The following STARD7 variants were observed in gnomAD, a reference collection of about 807,000 sequenced individuals.
STARD7 encodes the protein StAR related lipid transfer domain containing 7.
STARD7 carries 30 observed loss-of-function variants against 45.3 expected under a neutral mutation model. The ratio of observed to expected loss-of-function variants is 0.66; its 90% CI spans 0.50 to 0.90. The LOEUF (loss-of-function observed/expected upper bound fraction) is 0.90, where lower values mean the gene tolerates loss of function less well. Ranked by LOEUF, STARD7 falls within the 40% of genes least tolerant of loss-of-function variation. The pLI is 0.00. For synonymous variants in STARD7, 199 were observed against 183.0 expected (o/e 1.09, Z -0.70); for missense variants, 495 against 491.3 (o/e 1.01, Z -0.07).
chr2:96,208,580 C>G lies in STARD7; in HGVS notation c.-146G>C. On this transcript the variant is annotated 5_prime_UTR_variant, in exon 1 of 8. Coordinates refer to ENST00000337288, the MANE Select transcript of STARD7 (RefSeq NM_020151.4). The stretch of plus-strand genomic sequence containing the variant: ...CGGCCAGGAGCCGCCGCTCATCTGT[C>G]TCTGCAGCCACCGCTGAGGAAGAGT... 1.6e-6 allele frequency: 1 copy of G among 633,878 alleles called. No homozygotes were observed. The highest frequency in any genetic ancestry group is 2.4e-6 in the Non-Finnish European group (1 of 409,954). The allele number at this position is 633,878 out of a possible 1,614,324, so 39.3% of individuals were successfully genotyped here.
chr2:96,198,379 G>A (rs1683256810), intron 1 of STARD7, among the ~76,000 whole-genome samples: 2 of 152,050 alleles, frequency 1.3e-5, no homozygotes, highest in East Asian at 3.9e-4. Flanking sequence ...ATATAGACAT[G>A]TTTTCAATTC....
At chr2:96,192,979 G>A (rs1461355783) in intron 5 of STARD7, 99 bp downstream of exon 5, 1 of 831,840 alleles carries the variant, frequency 1.2e-6, no homozygotes, top group Non-Finnish European at 2.0e-6. Flanking sequence ...GAAGCCTGTG[G>A]GAGACTCATA....
rs539630505 is a variant in STARD7 at position 96,186,679 on chromosome 2, C to T, written c.*51G>A. 3.8e-5 allele frequency: 55 copies of T among 1,436,356 alleles called. 1 individual carries two copies. The South Asian group carries it at 6.0e-4, about 16-fold the overall frequency. The allele number at this position is 1,436,356 out of a possible 1,614,324, so 89.0% of individuals were successfully genotyped here. Reference sequence around the variant, plus strand: ...TCCCCCTTCTACAGCAGAGTGATAACGGACTGAGACAGGGCTAGAAGCACC... The same window carrying T: ...TCCCCCTTCTACAGCAGAGTGATAATGGACTGAGACAGGGCTAGAAGCACC... On this transcript the variant is annotated 3_prime_UTR_variant, in exon 8 of 8. Coordinates refer to ENST00000337288, the MANE Select transcript of STARD7 (RefSeq NM_020151.4).
chr2:96,206,153 TACTG>T (rs753874702), intron 1 of STARD7, among the ~76,000 whole-genome samples: 7 of 152,192 alleles, frequency 4.6e-5, no homozygotes, highest in Non-Finnish European at 8.8e-5. Context: ...CCATGATAAA[TACTG>T]ACTAACTCAA....
At chr2:96,197,116 T>TAAAATAAAATAAAATAAAATA (rs1683232869) in intron 1 of STARD7, among the ~76,000 whole-genome samples, 1 of 136,174 alleles carries the variant, frequency 7.3e-6, no homozygotes, top group African/African-American at 2.7e-5. Context: ...TAAAATAAAA[T>TAAAATAAAATAAAATAAAATA]AAAATAAAGC....
Position 96,195,526 on chromosome 2 carries a change from A to G in STARD7, c.314T>C (p.Leu105Ser). ...CTGAAACATATTTGACATTTCTTCC[A>G]ACCGCTTCATCTCATTAATAGATCT... ...LQRSINEMKR[L>S]EEMSNMFQSS... Residue 105 changes from leucine to serine, a missense_variant, in exon 2 of 8, where the codon TTG becomes TCG. Physicochemically the swap from Leu to Ser is moderately radical, Grantham distance 145. Coordinates refer to ENST00000337288, the MANE Select transcript of STARD7 (RefSeq NM_020151.4). The G allele has an allele frequency of 6.2e-7, 1 of 1,613,548 alleles. No individual in the cohort carries two copies. The highest frequency in any genetic ancestry group is 8.5e-7 in the Non-Finnish European group (1 of 1,179,694).
Position 96,208,227 on chromosome 2 carries a change from C to G in STARD7, c.208G>C (p.Gly70Arg). The change falls in exon 1 of 8, where the codon GGC becomes CGC. Residue 70 changes from glycine to arginine, a missense_variant. Gly to Arg is a moderately radical substitution (Grantham distance 125). This residue lies in a region of STARD7 where 282 missense variants were observed against 220.1 expected (regional missense o/e 1.28). Coordinates refer to ENST00000337288, the MANE Select transcript of STARD7 (RefSeq NM_020151.4). ...GCCGCCATCAAGGCAGAGGCATGGC[C>G]AGGACGGCCGTGCAGCCGGCGCCAG... Reference protein sequence around the residue: ...RLWRRLHGRPGHASALMAALA... With the variant: ...RLWRRLHGRPRHASALMAALA... The G allele has an allele frequency of 1.9e-6, 3 of 1,612,576 alleles. No homozygotes were observed. Among genetic ancestry groups the G allele is most frequent in the Non-Finnish European group, 2.5e-6 (3 of 1,179,630 alleles).
At chr2:96,188,401 C>A (rs1456097108) in intron 6 of STARD7, among the ~76,000 whole-genome samples, 1 of 150,524 alleles carries the variant, frequency 6.6e-6, no homozygotes, top group African/African-American at 2.4e-5. Flanking sequence ...TCAGCCTCCC[C>A]AGTAGCTGAG....
intron 1 of STARD7, among the ~76,000 whole-genome samples, chr2:96,197,065 T>TTAA (rs1558735733): frequency 2.3e-5 from 1 of 44,378 alleles, no homozygotes; most frequent in Non-Finnish European, 5.0e-5. Flanking sequence ...AAACTCCGTC[T>TTAA]CAAAATAAAA....
At chr2:96,202,894 C>T (rs1407693053) in intron 1 of STARD7, among the ~76,000 whole-genome samples, 1 of 152,102 alleles carries the variant, frequency 6.6e-6, no homozygotes, top group Non-Finnish European at 1.5e-5. Context: ...TTTTTCATGA[C>T]CTTCTAAGAA....
chr2:96,196,320 C>G (rs1277583007), intron 1 of STARD7, among the ~76,000 whole-genome samples: 1 of 151,962 alleles, frequency 6.6e-6, no homozygotes, highest in Non-Finnish European at 1.5e-5. Flanking sequence ...AAAAAATTAG[C>G]CAGGCATAGT....
At position 96,196,129 on chromosome 2, in the gene STARD7, A is replaced by C. The variant is rs911998725; in HGVS notation, c.291-580T>G. Among the ~76,000 whole-genome samples, 16 of 147,600 alleles carry C rather than the reference A, an allele frequency of 1.1e-4. No individual in the cohort carries two copies. The Admixed American group carries it at 1.1e-3, about 10-fold the overall frequency. Reference sequence around the variant, plus strand: ...CTCTTGTCTCAAAAAAAAAAAAAAAACAAAAAACAAAAAACAACGAAAAAA... The same window carrying C: ...CTCTTGTCTCAAAAAAAAAAAAAAACCAAAAAACAAAAAACAACGAAAAAA... On this transcript the variant is annotated intron_variant, in intron 1 of 7. Transcript: ENST00000337288.
intron 1 of STARD7, among the ~76,000 whole-genome samples, chr2:96,204,236 G>A (rs1225445977): frequency 6.6e-6 from 1 of 152,034 alleles, no homozygotes; most frequent in African/African-American, 2.4e-5. Context: ...CTCCAGCCTG[G>A]GCGACAGAGT....
At chr2:96,201,094 C>T (rs1231473243) in intron 1 of STARD7, among the ~76,000 whole-genome samples, 1 of 152,128 alleles carries the variant, frequency 6.6e-6, no homozygotes, top group African/African-American at 2.4e-5. Context: ...ATCTGCTTTC[C>T]TTACTAAACT....
chr2:96,205,582 C>G (rs1683375916), intron 1 of STARD7, among the ~76,000 whole-genome samples: 1 of 152,146 alleles, frequency 6.6e-6, no homozygotes, highest in African/African-American at 2.4e-5. Context: ...ATTATGGAAG[C>G]TACCCAAAAA....
Position 96,208,510 on chromosome 2 carries a change from A to T in STARD7, c.-76T>A. 2.4e-6 allele frequency: 3 copies of T among 1,274,050 alleles called. No individual in the cohort carries two copies. The highest frequency in any genetic ancestry group is 2.0e-6 in the Non-Finnish European group (2 of 993,934). 78.9% of individuals were successfully genotyped at this position (1,274,050 alleles called of 1,614,324 possible). On this transcript the variant is annotated 5_prime_UTR_variant, in exon 1 of 8. Transcript: ENST00000337288. Reference sequence around the variant, plus strand: ...CCGGAGGGGCGCAGGCGGTGGTCGCAGCGTCCCCCTAAATGGCCGGCCACG... The same window carrying T: ...CCGGAGGGGCGCAGGCGGTGGTCGCTGCGTCCCCCTAAATGGCCGGCCACG...
chr2:96,197,123 A>ACATAACATAAAC (rs1343316273), intron 1 of STARD7, among the ~76,000 whole-genome samples: 1 of 147,160 alleles, frequency 6.8e-6, no homozygotes, highest in Non-Finnish European at 1.5e-5. Flanking sequence ...AAATAAAATA[A>ACATAACATAAAC]AGCCAAGCAC....
chr2:96,203,963 A>ATAC (rs1683346534), intron 1 of STARD7, among the ~76,000 whole-genome samples: 1 of 148,734 alleles, frequency 6.7e-6, no homozygotes, highest in African/African-American at 2.5e-5. Context: ...AAGACTCCAT[A>ATAC]CCCCCCAAAA....
chr2:96,208,522 A>AG lies in STARD7; in HGVS notation c.-89_-88insC, dbSNP rs1483748448. On this transcript the variant is annotated 5_prime_UTR_variant, in exon 1 of 8. It removes the in-frame stop codon of an upstream open reading frame in the 5' UTR. Coordinates refer to ENST00000337288, the MANE Select transcript of STARD7 (RefSeq NM_020151.4). ...AGGCGGTGGTCGCAGCGTCCCCCTAAATGGCCGGCCACGAACCCGTCTCAC... is the reference window on the plus strand; with the variant it reads ...AGGCGGTGGTCGCAGCGTCCCCCTAAGATGGCCGGCCACGAACCCGTCTCAC... 2 of 1,178,688 alleles carry AG rather than the reference A, an allele frequency of 1.7e-6. No individual in the cohort carries two copies. The highest frequency in any genetic ancestry group is 3.2e-5 in the African/African-American group (2 of 61,814). 73.0% of individuals were successfully genotyped at this position (1,178,688 alleles called of 1,614,324 possible). A position where few individuals can be genotyped will look rare whatever the true frequency, so the allele number is the denominator to read the frequency against.
Sources: allele counts gnomAD v4.1 joint callset (sites outside exome capture counted in the v4.1 genomes callset), GRCh38; gene constraint gnomAD v4.1.1; regional missense constraint gnomAD v4.1.1; transcripts MANE v1.5; gene names NCBI Gene and HGNC (gene_info 2026-07-23, HGNC 2026-07-21).